Variants in NXPE2 observed in about 807,000 individuals in gnomAD.
NXPE2 encodes the protein NXPE family member 2.
NXPE2 carries 34 observed loss-of-function variants against 34.4 expected under a neutral mutation model. The ratio of observed to expected loss-of-function variants is 0.99; its 90% CI spans 0.75 to 1.31. The LOEUF (loss-of-function observed/expected upper bound fraction) is 1.31, where lower values mean the gene tolerates loss of function less well. Among genes scored for constraint, NXPE2 ranks in the 40% most tolerant of loss-of-function variants. NXPE2 has a pLI of 0.00. For synonymous variants in NXPE2, 235 were observed against 231.3 expected (o/e 1.02, Z -0.15); for missense variants, 649 against 672.5 (o/e 0.97, Z 0.39).
intron 3 of NXPE2, among the ~76,000 whole-genome samples, chr11:114,703,699 TGATAGATAGATAGATAGAC>T (rs201379098): frequency 0.021 from 373 of 18,176 alleles, 1 homozygote; most frequent in East Asian, 0.15. Flanking sequence ...GATAGATAGA[TGATAGATAGATAGATAGAC>T]AGACAGACAG....
chr11:114,807,833 C>T, the NXPE2 span, among the ~76,000 whole-genome samples: 25 of 152,152 alleles, frequency 1.6e-4, no homozygotes, highest in Admixed American at 9.8e-4. Flanking sequence ...CAGCTCTGCA[C>T]CAAGCAGACC....
the NXPE2 span, among the ~76,000 whole-genome samples, chr11:114,806,139 C>T: frequency 6.6e-6 from 1 of 152,336 alleles, no homozygotes; most frequent in East Asian, 1.9e-4. Flanking sequence ...AGGGTCCTGT[C>T]TGTTAGAAGG....
the NXPE2 span, among the ~76,000 whole-genome samples, chr11:114,556,196 T>A: frequency 6.6e-6 from 1 of 152,212 alleles, no homozygotes; most frequent in Non-Finnish European, 1.5e-5. Flanking sequence ...TCAGTTTGAA[T>A]TTATGGAGAG....
chr11:114,542,356 C>T, the NXPE2 span, among the ~76,000 whole-genome samples: 1 of 152,086 alleles, frequency 6.6e-6, no homozygotes, highest in Non-Finnish European at 1.5e-5. Flanking sequence ...GACTATTTTT[C>T]CCAGATCGTT....
At chr11:114,535,547 G>T in the NXPE2 span, among the ~76,000 whole-genome samples, 1 of 152,134 alleles carries the variant, frequency 6.6e-6, no homozygotes, top group Non-Finnish European at 1.5e-5. Context: ...CATCTCACAT[G>T]CAGAGACATA....
At chr11:114,682,544 C>A (rs1445215813) in intron 2 of NXPE2, among the ~76,000 whole-genome samples, 1 of 152,030 alleles carries the variant, frequency 6.6e-6, no homozygotes, top group East Asian at 1.9e-4. Flanking sequence ...TCTTTTTAGA[C>A]CCAGAAGTCA....
the NXPE2 span, chr11:114,553,843 ACAT>A: frequency 2.1e-6 from 2 of 958,354 alleles, no homozygotes; most frequent in South Asian, 4.8e-5. Context: ...TCATTCAGTG[ACAT>A]CATCTTGGTA....
the NXPE2 span, among the ~76,000 whole-genome samples, chr11:114,607,821 A>G: frequency 6.7e-6 from 1 of 149,044 alleles, no homozygotes; most frequent in South Asian, 2.1e-4. Context: ...AGTAACCACT[A>G]TTACCCATTG....
chr11:114,727,782 C>CAA, the NXPE2 span, among the ~76,000 whole-genome samples: 5,818 of 146,074 alleles, frequency 0.04, 142 homozygotes, highest in Non-Finnish European at 0.044. Flanking sequence ...ACAACACACA[C>CAA]ACACACACAC....
the NXPE2 span, among the ~76,000 whole-genome samples, chr11:114,609,786 A>C: frequency 2.0e-5 from 3 of 147,868 alleles, no homozygotes; most frequent in African/African-American, 7.5e-5. Flanking sequence ...GGGTAACCAC[A>C]GTTACCTGAT....
At chr11:114,618,042 C>A in the NXPE2 span, among the ~76,000 whole-genome samples, 1 of 151,922 alleles carries the variant, frequency 6.6e-6, no homozygotes, top group East Asian at 1.9e-4. Context: ...TCGTGGGTAA[C>A]AACTCTTACC....
chr11:114,809,371 G>C, the NXPE2 span, among the ~76,000 whole-genome samples: 2 of 151,854 alleles, frequency 1.3e-5, no homozygotes, highest in South Asian at 2.1e-4. Flanking sequence ...AGGAAAGAAA[G>C]GGTATTCAAT....
the NXPE2 span, among the ~76,000 whole-genome samples, chr11:114,746,899 A>C: frequency 1.4e-5 from 2 of 141,316 alleles, no homozygotes; most frequent in African/African-American, 5.1e-5. Flanking sequence ...AAAAAAAAAA[A>C]CCCCACAAAG....
chr11:114,494,152 TTTGA>T, the NXPE2 span, among the ~76,000 whole-genome samples: 1 of 152,146 alleles, frequency 6.6e-6, no homozygotes, highest in African/African-American at 2.4e-5. Context: ...CCTTTGGGGG[TTTGA>T]TTATTAAATG....
the NXPE2 span, among the ~76,000 whole-genome samples, chr11:114,671,343 G>T: frequency 1.3e-5 from 2 of 151,766 alleles, no homozygotes; most frequent in Non-Finnish European, 2.9e-5. Flanking sequence ...GGAATTAGGA[G>T]AGGATAGGGA....
At chr11:114,764,371 A>C in the NXPE2 span, among the ~76,000 whole-genome samples, 2 of 152,124 alleles carry the variant, frequency 1.3e-5, no homozygotes, top group Non-Finnish European at 2.9e-5. Context: ...ATACATGCTG[A>C]AATTCTCAGA....
chr11:114,791,817 G>A, the NXPE2 span, among the ~76,000 whole-genome samples: 2 of 152,324 alleles, frequency 1.3e-5, no homozygotes, highest in East Asian at 1.9e-4. Context: ...AGCACTTTGG[G>A]AGGCCGAGGC....
At chr11:114,468,925 A>C in the NXPE2 span, among the ~76,000 whole-genome samples, 1 of 152,184 alleles carries the variant, frequency 6.6e-6, no homozygotes, top group Non-Finnish European at 1.5e-5. Flanking sequence ...AAGAGTGGTT[A>C]CATTACTACT....
chr11:114,812,812 G>C, the NXPE2 span, among the ~76,000 whole-genome samples: 6 of 152,130 alleles, frequency 3.9e-5, no homozygotes, highest in Admixed American at 3.9e-4. Flanking sequence ...AAGGTGGCAA[G>C]AGAAGAGGAA....
Sources: gnomAD v4.1 joint callset for allele counts (sites outside exome capture counted in the v4.1 genomes callset) on GRCh38, gnomAD v4.1.1 for gene constraint, MANE v1.5 for transcripts, NCBI Gene and HGNC (gene_info 2026-07-23, HGNC 2026-07-21) for gene names.